Variants in PCDH11X observed in about 807,000 individuals in gnomAD.
The protein encoded by PCDH11X is protocadherin-11 X-linked.
PCDH11X carries 18 observed loss-of-function variants against 53.3 expected under a neutral mutation model. The observed-to-expected ratio is 0.34, with a 90% CI of 0.23 to 0.50. PCDH11X has a LOEUF of 0.50. PCDH11X is among the 20% of genes least tolerant of loss of function. The pLI is 0.98. For synonymous variants in PCDH11X, 279 were observed against 393.3 expected, an observed-to-expected ratio of 0.71 and a Z score of 3.44; for missense variants, 570 against 1,032.4, an observed-to-expected ratio of 0.55 and a Z score of 6.14.
At chrX:92,597,108 A>T (rs7892033) in intron 10 of PCDH11X, among the ~76,000 whole-genome samples, 2,450 of 111,657 alleles carry the variant, frequency 0.022, 68 homozygotes, top group African/African-American at 0.075. Context: ...CCTTTCCTCT[A>T]AGATTTGCAA....
rs1209063911 is a variant in PCDH11X at position 92,452,479 on chromosome X, A to G, written c.3344-15820A>G. Among the ~76,000 whole-genome samples the G allele has an allele frequency of 1.3e-3, 87 of 66,186 alleles. 1 individual carries two copies. Among genetic ancestry groups the G allele is most frequent in the Non-Finnish European group, 1.7e-3 (64 of 38,160 alleles). 57.5% of individuals were successfully genotyped at this position (66,186 alleles called of 115,157 possible). On this transcript the variant is annotated intron_variant, in intron 9 of 10. Transcript: ENST00000682573. ...TGTGTGTGTGTATATATATATATAT[A>G]TATATATATATATATATATGTTTTT...
chrX:92,440,847 T>G (rs900844692), intron 9 of PCDH11X, among the ~76,000 whole-genome samples: 1 of 111,392 alleles, frequency 9.0e-6, no homozygotes, highest in Non-Finnish European at 1.9e-5. Flanking sequence ...AGGCAGAGGT[T>G]GGAACAATTT....
chrX:91,871,882 T>A, intron 5 of PCDH11X, among the ~76,000 whole-genome samples: 1 of 111,026 alleles, frequency 9.0e-6, no homozygotes, highest in African/African-American at 3.3e-5. Flanking sequence ...GGAAGAAATA[T>A]CACTCACAAA....
chrX:92,286,423 C>G (rs1266202689), intron 8 of PCDH11X, among the ~76,000 whole-genome samples: 1 of 94,422 alleles, frequency 1.1e-5, no homozygotes, highest in Non-Finnish European at 2.1e-5. Flanking sequence ...AAGCATTGTT[C>G]CTCTTAAGGT....
chrX:92,139,549 A>AC (rs1207065431), intron 6 of PCDH11X, among the ~76,000 whole-genome samples: 6 of 109,471 alleles, frequency 5.5e-5, no homozygotes, highest in African/African-American at 2.0e-4. Flanking sequence ...GGCATGAGCC[A>AC]CCCCTCTAGG....
At chrX:91,903,876 AAAATAGGGACTAACG>A (rs1283383098) in intron 6 of PCDH11X, among the ~76,000 whole-genome samples, 1 of 110,813 alleles carries the variant, frequency 9.0e-6, no homozygotes, top group Admixed American at 9.8e-5. Flanking sequence ...GTGGGAAATG[AAAATAGGGACTAACG>A]AATGAGATGG....
chrX:92,540,665 G>A (rs186350154), intron 10 of PCDH11X, among the ~76,000 whole-genome samples: 4,088 of 106,106 alleles, frequency 0.039, 78 homozygotes, highest in South Asian at 0.12. Context: ...GAATATGGCA[G>A]GTCACACTTG....
intron 6 of PCDH11X, among the ~76,000 whole-genome samples, chrX:92,011,805 G>C (rs1408047261): frequency 9.0e-6 from 1 of 110,752 alleles, no homozygotes; most frequent in Non-Finnish European, 1.9e-5. Flanking sequence ...CATTACAAGA[G>C]ATCCTGAAAA....
chrX:92,469,577 G>A (rs2073220617), intron 10 of PCDH11X, among the ~76,000 whole-genome samples: 5 of 111,379 alleles, frequency 4.5e-5, no homozygotes, highest in Admixed American at 9.5e-5. Context: ...TTTTGTGTAT[G>A]GCAAGAGATA....
intron 6 of PCDH11X, among the ~76,000 whole-genome samples, chrX:92,103,397 C>T: frequency 9.0e-6 from 1 of 110,668 alleles, no homozygotes; most frequent in Middle Eastern, 4.7e-3. Context: ...GAGTGGGTAG[C>T]CTCCGTATTG....
chrX:92,001,816 G>A (rs1483536987), intron 6 of PCDH11X, among the ~76,000 whole-genome samples: 1 of 110,547 alleles, frequency 9.0e-6, no homozygotes. Flanking sequence ...TGTCAGATGG[G>A]TAGTTTGCAA....
rs112865921 is a variant in PCDH11X, at chrX:92,100,634, G to A, written c.3034-100741G>A. On this transcript the variant is annotated intron_variant, in intron 6 of 10. Coordinates refer to ENST00000682573, the MANE Select transcript of PCDH11X (RefSeq NM_032968.5). The stretch of plus-strand genomic sequence containing the variant: ...TTCAGTTACTTCCGGCCATCTGGTC[G>A]TATCCGTGCAAGTCACAGGGGATGC... Among the ~76,000 whole-genome samples the A allele has an allele frequency of 5.9e-4, 65 of 110,244 alleles. 2 individuals carry two copies. The highest frequency in any genetic ancestry group is 1.8e-3 in the African/African-American group (53 of 29,457).
At chrX:92,394,251 G>A (rs1297237937) in intron 9 of PCDH11X, among the ~76,000 whole-genome samples, 8 of 111,476 alleles carry the variant, frequency 7.2e-5, no homozygotes, top group Admixed American at 2.9e-4. Flanking sequence ...TCTCTAAGAC[G>A]AGTGTATCTT....
chrX:91,883,077 C>G, intron 6 of PCDH11X: 1 of 1,031,812 alleles, frequency 9.7e-7, no homozygotes, highest in Non-Finnish European at 1.3e-6. Context: ...CAAAAATCAT[C>G]TTAAAAATGA....
chrX:92,320,402 C>A (rs1434912372), intron 8 of PCDH11X, among the ~76,000 whole-genome samples: 1 of 110,536 alleles, frequency 9.0e-6, no homozygotes, highest in Non-Finnish European at 1.9e-5. Flanking sequence ...TGATCTCTCT[C>A]TCTCTCTTTC....
intron 10 of PCDH11X, among the ~76,000 whole-genome samples, chrX:92,522,746 A>C (rs2074388062): frequency 8.9e-6 from 1 of 112,662 alleles, no homozygotes; most frequent in East Asian, 2.8e-4. Flanking sequence ...CCTTCTGAAG[A>C]AGAGGAATTA....
intron 7 of PCDH11X, among the ~76,000 whole-genome samples, chrX:92,249,531 A>G (rs2067417595): frequency 8.9e-6 from 1 of 112,596 alleles, no homozygotes; most frequent in African/African-American, 3.2e-5. Flanking sequence ...TTTTGTTACT[A>G]ACATAGTAAA....
At chrX:91,828,120 CTTTT>C (rs764755111) in intron 4 of PCDH11X, among the ~76,000 whole-genome samples, 1 of 84,871 alleles carries the variant, frequency 1.2e-5, no homozygotes. Context: ...AGGCAGAATT[CTTTT>C]TTTTTTTTTT....
At chrX:91,867,239 A>G (rs1939041007) in intron 5 of PCDH11X, among the ~76,000 whole-genome samples, 1 of 111,816 alleles carries the variant, frequency 8.9e-6, no homozygotes, top group South Asian at 3.7e-4. Context: ...TAGTACAAAA[A>G]TATCATTGTT....
Sources: gnomAD v4.1 joint callset for allele counts (sites outside exome capture counted in the v4.1 genomes callset) on GRCh38, gnomAD v4.1.1 for gene constraint, MANE v1.5 for transcripts, NCBI Gene and HGNC (gene_info 2026-07-23, HGNC 2026-07-21) for gene names.